Variants in PIK3C2G observed in about 807,000 individuals in gnomAD.
PIK3C2G encodes phosphatidylinositol 3-kinase C2 domain-containing subunit gamma.
Under a neutral mutation model 181.1 loss-of-function variants are expected in PIK3C2G, and 168 were observed. The ratio of observed to expected loss-of-function variants is 0.93; its 90% CI spans 0.82 to 1.05. The LOEUF (loss-of-function observed/expected upper bound fraction) is 1.05. Ranked by LOEUF, PIK3C2G falls within the 50% of genes least tolerant of loss-of-function variation. The pLI, the probability that PIK3C2G is intolerant of heterozygous loss-of-function variation, is 0.00. For synonymous variants in PIK3C2G, 573 were observed against 592.2 expected, an observed-to-expected ratio of 0.97 and a Z score of 0.47; for missense variants, 1,869 against 1,732.8, an observed-to-expected ratio of 1.08 and a Z score of -1.40.
chr12:18,383,811 G>GT (rs375202024), intron 14 of PIK3C2G, among the ~76,000 whole-genome samples: 123 of 146,168 alleles, frequency 8.4e-4, no homozygotes, highest in African/African-American at 1.9e-3. Context: ...GGGTTTGGGT[G>GT]TTTTTTTTTT....
chr12:18,346,547 A>C (rs11044039), intron 10 of PIK3C2G, 94 bp from the exon 11 acceptor site: 15 of 695,450 alleles, frequency 2.2e-5, no homozygotes, highest in Non-Finnish European at 3.1e-5. Flanking sequence ...AAAATTATTG[A>C]AATTGTATTA....
chr12:18,700,984 A>AT, the PIK3C2G span, among the ~76,000 whole-genome samples: 34 of 149,582 alleles, frequency 2.3e-4, no homozygotes, highest in Admixed American at 5.3e-4. Flanking sequence ...AATTATAGAG[A>AT]TTTTTTTTTT....
At chr12:18,482,407 C>G (rs948209510) in intron 18 of PIK3C2G, among the ~76,000 whole-genome samples, 1 of 152,198 alleles carries the variant, frequency 6.6e-6, no homozygotes, top group Admixed American at 6.5e-5. Flanking sequence ...TCAAAGCTGG[C>G]TACCTTGGGG....
chr12:18,580,267 A>C (rs796607951), intron 29 of PIK3C2G, among the ~76,000 whole-genome samples: 12 of 152,328 alleles, frequency 7.9e-5, no homozygotes, highest in African/African-American at 2.9e-4. Flanking sequence ...GTTTTTAAAA[A>C]TTTTAAAGCC....
At chr12:18,613,784 A>G (rs1948462058) in intron 31 of PIK3C2G, among the ~76,000 whole-genome samples, 1 of 151,998 alleles carries the variant, frequency 6.6e-6, no homozygotes, top group Non-Finnish European at 1.5e-5. Flanking sequence ...AAAATAACCC[A>G]AGTGGCTAGT....
At chr12:18,388,068 C>G (rs767835408) in intron 14 of PIK3C2G, among the ~76,000 whole-genome samples, 4 of 152,146 alleles carry the variant, frequency 2.6e-5, no homozygotes, top group Non-Finnish European at 5.9e-5. Context: ...ATCATTGATA[C>G]AAAGTTTTTA....
At chr12:18,713,029 TAAA>T in the PIK3C2G span, 1 of 1,605,804 alleles carries the variant, frequency 6.2e-7, no homozygotes, top group Non-Finnish European at 8.5e-7. Flanking sequence ...CCTGGACCAT[TAAA>T]AATATATACC....
chr12:18,537,308 A>T (rs1302195737), intron 24 of PIK3C2G, among the ~76,000 whole-genome samples: 3 of 152,124 alleles, frequency 2.0e-5, no homozygotes, highest in Admixed American at 2.0e-4. Flanking sequence ...ACCTTTCACC[A>T]AATTAGTGTC....
intron 1 of PIK3C2G, among the ~76,000 whole-genome samples, chr12:18,276,961 T>C (rs1949011269): frequency 6.6e-6 from 1 of 152,130 alleles, no homozygotes; most frequent in Non-Finnish European, 1.5e-5. Flanking sequence ...TAAGAAAACA[T>C]CAATTGTTCG....
chr12:18,272,089 T>C (rs995000228), intron 1 of PIK3C2G, among the ~76,000 whole-genome samples: 1 of 152,208 alleles, frequency 6.6e-6, no homozygotes, highest in African/African-American at 2.4e-5. Flanking sequence ...CTATATAATT[T>C]CTTCAAGCAA....
chr12:18,536,931 G>A (rs1197205826), intron 24 of PIK3C2G, among the ~76,000 whole-genome samples: 1 of 152,014 alleles, frequency 6.6e-6, no homozygotes, highest in African/African-American at 2.4e-5. Flanking sequence ...AGAAGTGAAG[G>A]TACTGGTATT....
chr12:18,448,899 T>G (rs1476256845), intron 18 of PIK3C2G, among the ~76,000 whole-genome samples: 1 of 149,062 alleles, frequency 6.7e-6, no homozygotes. Flanking sequence ...GATGGACACT[T>G]AAGTTGTTTT....
intron 14 of PIK3C2G, among the ~76,000 whole-genome samples, chr12:18,386,055 G>A (rs1943148045): frequency 6.6e-6 from 1 of 151,958 alleles, no homozygotes; most frequent in Admixed American, 6.6e-5. Flanking sequence ...CAAAGAGACT[G>A]AACTTTCTCC....
At chr12:18,288,963 TA>T (rs1240306472) in intron 3 of PIK3C2G, among the ~76,000 whole-genome samples, 1 of 152,192 alleles carries the variant, frequency 6.6e-6, no homozygotes, top group African/African-American at 2.4e-5. Context: ...TCATGAAAAC[TA>T]AAACATACAC....
intron 8 of PIK3C2G, among the ~76,000 whole-genome samples, chr12:18,327,415 A>G (rs1255780012): frequency 6.6e-6 from 1 of 152,102 alleles, no homozygotes; most frequent in Non-Finnish European, 1.5e-5. Context: ...ATTTGAAAAA[A>G]CAACAAGCAT....
intron 14 of PIK3C2G, among the ~76,000 whole-genome samples, chr12:18,390,526 G>T (rs1565668054): frequency 6.6e-6 from 1 of 152,048 alleles, no homozygotes; most frequent in Non-Finnish European, 1.5e-5. Flanking sequence ...AAAAAAAGGA[G>T]GCTGGATTCT....
chr12:18,330,633 T>C (rs1052154854), intron 8 of PIK3C2G, among the ~76,000 whole-genome samples: 2 of 152,180 alleles, frequency 1.3e-5, no homozygotes, highest in Non-Finnish European at 2.9e-5. Flanking sequence ...ATTTTTAAAG[T>C]TGAACTATAT....
At chr12:18,340,659 C>A (rs1939050264) in intron 9 of PIK3C2G, among the ~76,000 whole-genome samples, 1 of 152,130 alleles carries the variant, frequency 6.6e-6, no homozygotes. Context: ...TAAGATCTAC[C>A]AGTTTCTATC....
At chr12:18,263,718 C>T (rs997920373) in intron 1 of PIK3C2G, among the ~76,000 whole-genome samples, 2 of 151,758 alleles carry the variant, frequency 1.3e-5, no homozygotes, top group Non-Finnish European at 2.9e-5. Flanking sequence ...TTGTTGTTGT[C>T]GATATTATTA....
Sources: allele counts gnomAD v4.1 joint callset (sites outside exome capture counted in the v4.1 genomes callset), GRCh38; gene constraint gnomAD v4.1.1; transcripts MANE v1.5; gene names NCBI Gene and HGNC (gene_info 2026-07-23, HGNC 2026-07-21).